Variants in SHISA9 observed in about 807,000 individuals in gnomAD.
SHISA9 encodes the protein protein shisa-9.
SHISA9 carries 13 observed loss-of-function variants against 38.0 expected under a neutral mutation model. The observed-to-expected ratio is 0.34, with a 90% CI of 0.22 to 0.54. The LOEUF is 0.54. Among genes scored for constraint, SHISA9 ranks in the 20% least tolerant of loss-of-function variants. The pLI, the probability that SHISA9 is intolerant of heterozygous loss-of-function variation, is 0.91. For missense variants in SHISA9, 538 were observed against 575.8 expected (o/e 0.93, Z 0.67); for synonymous variants, 275 against 242.0 (o/e 1.14, Z -1.27).
the SHISA9 span, among the ~76,000 whole-genome samples, chr16:13,558,699 T>C: frequency 6.6e-6 from 1 of 152,180 alleles, no homozygotes; most frequent in Non-Finnish European, 1.5e-5. Flanking sequence ...CCACACTTTA[T>C]TTGGGGAACA....
the SHISA9 span, among the ~76,000 whole-genome samples, chr16:13,504,388 A>G: frequency 1.5e-4 from 23 of 152,320 alleles, no homozygotes; most frequent in East Asian, 1.4e-3. Context: ...AGGTCCCTGT[A>G]AAGAAAGTGG....
chr16:13,278,248 G>A, the SHISA9 span, among the ~76,000 whole-genome samples: 63 of 152,152 alleles, frequency 4.1e-4, no homozygotes, highest in African/African-American at 1.2e-3. Context: ...AACTATCCCT[G>A]CATCCCTAGC....
the SHISA9 span, among the ~76,000 whole-genome samples, chr16:13,486,728 G>A: frequency 9.2e-5 from 14 of 152,044 alleles, no homozygotes; most frequent in African/African-American, 3.1e-4. Context: ...CTTTGAGATG[G>A]ATTTTTGCTC....
chr16:13,067,865 T>C (rs751271156), intron 2 of SHISA9, among the ~76,000 whole-genome samples: 1 of 152,208 alleles, frequency 6.6e-6, no homozygotes, highest in Non-Finnish European at 1.5e-5. Context: ...ACCACTCTCC[T>C]GTCCTCCCAC....
chr16:13,462,622 C>G, the SHISA9 span, among the ~76,000 whole-genome samples: 26,079 of 151,926 alleles, frequency 0.17, 2,604 homozygotes, highest in East Asian at 0.35. Flanking sequence ...GTCACGAGTT[C>G]GAAACCAGCC....
intron 2 of SHISA9, among the ~76,000 whole-genome samples, chr16:13,003,207 G>T (rs1158359520): frequency 1.3e-5 from 2 of 152,336 alleles, no homozygotes; most frequent in Admixed American, 1.3e-4. Context: ...AACCCTGCAG[G>T]TCTTGTACGC....
chr16:13,196,509 C>G (rs2578579), intron 2 of SHISA9, among the ~76,000 whole-genome samples: 78,509 of 151,742 alleles, frequency 0.52, 21,559 homozygotes, highest in African/African-American at 0.72. Flanking sequence ...AACTGTCACA[C>G]GCAAGAGGAA....
the SHISA9 span, among the ~76,000 whole-genome samples, chr16:13,445,987 G>A: frequency 6.6e-6 from 1 of 151,970 alleles, no homozygotes; most frequent in African/African-American, 2.4e-5. Flanking sequence ...TCTGTTGCTA[G>A]GCCTGAGTAC....
chr16:13,165,128 C>G (rs2050624975), intron 2 of SHISA9, among the ~76,000 whole-genome samples: 1 of 152,020 alleles, frequency 6.6e-6, no homozygotes, highest in South Asian at 2.1e-4. Flanking sequence ...GTAGAGTTTT[C>G]ATAATATTTT....
the SHISA9 span, among the ~76,000 whole-genome samples, chr16:13,357,249 AC>A: frequency 6.6e-6 from 1 of 152,192 alleles, no homozygotes; most frequent in Non-Finnish European, 1.5e-5. Context: ...GAAGTCCGTG[AC>A]CGGCGCCGGA....
At chr16:13,539,350 T>TATATAC in the SHISA9 span, among the ~76,000 whole-genome samples, 1 of 65,958 alleles carries the variant, frequency 1.5e-5, no homozygotes, top group African/African-American at 5.1e-5. Flanking sequence ...TATAAAGATA[T>TATATAC]ATATATATAA....
At chr16:13,264,964 CCT>C in the SHISA9 span, among the ~76,000 whole-genome samples, 7 of 149,892 alleles carry the variant, frequency 4.7e-5, no homozygotes, top group Admixed American at 2.0e-4. Flanking sequence ...CTTCCCTTCC[CCT>C]GTTTTTCCCC....
intron 2 of SHISA9, among the ~76,000 whole-genome samples, chr16:12,922,669 G>A (rs2071342811): frequency 2.0e-5 from 3 of 152,140 alleles, no homozygotes; most frequent in Admixed American, 6.5e-5. Context: ...ACAGGCAGAT[G>A]CCACCACACC....
intron 2 of SHISA9, among the ~76,000 whole-genome samples, chr16:12,936,450 CAGGGATGGGAGA>C (rs2071534235): frequency 6.6e-6 from 1 of 152,104 alleles, no homozygotes; most frequent in African/African-American, 2.4e-5. Context: ...GATCTCAGTT[CAGGGATGGGAGA>C]AGGGATGGAG....
chr16:12,967,805 T>C (rs2071999812), intron 2 of SHISA9, among the ~76,000 whole-genome samples: 1 of 152,140 alleles, frequency 6.6e-6, no homozygotes, highest in Non-Finnish European at 1.5e-5. Context: ...TATTGCAATG[T>C]TGCTGGTAAT....
At chr16:13,045,826 G>A (rs1373497770) in intron 2 of SHISA9, among the ~76,000 whole-genome samples, 1 of 152,144 alleles carries the variant, frequency 6.6e-6, no homozygotes, top group African/African-American at 2.4e-5. Flanking sequence ...TCTCCAAGCT[G>A]CAGCTTGGCT....
intron 2 of SHISA9, among the ~76,000 whole-genome samples, chr16:13,041,315 T>A (rs1295931786): frequency 6.6e-6 from 1 of 152,216 alleles, no homozygotes; most frequent in East Asian, 1.9e-4. Flanking sequence ...CTAGTTTTCA[T>A]AATGGCTGAC....
chr16:13,450,561 A>G, the SHISA9 span, among the ~76,000 whole-genome samples: 2 of 152,222 alleles, frequency 1.3e-5, no homozygotes, highest in Non-Finnish European at 2.9e-5. Flanking sequence ...AATAAAAATG[A>G]TATTTATTGA....
At chr16:13,273,987 T>C in the SHISA9 span, among the ~76,000 whole-genome samples, 7 of 152,132 alleles carry the variant, frequency 4.6e-5, no homozygotes, top group Non-Finnish European at 7.4e-5. Context: ...TCCAAAGTAG[T>C]TGTTTTTAGA....
Sources: allele counts gnomAD v4.1 joint callset (sites outside exome capture counted in the v4.1 genomes callset), GRCh38; gene constraint gnomAD v4.1.1; transcripts MANE v1.5; gene names NCBI Gene and HGNC (gene_info 2026-07-23, HGNC 2026-07-21).